Variants in ATP11A observed in about 807,000 individuals in gnomAD.
The protein encoded by ATP11A is ATPase phospholipid transporting 11A, also known as phospholipid-transporting ATPase IH.
Under a neutral mutation model 154.4 loss-of-function variants are expected in ATP11A, and 81 were observed. That is an observed-to-expected ratio of 0.52 (90% CI 0.44 to 0.63). The LOEUF (loss-of-function observed/expected upper bound fraction) is 0.63, where lower values mean the gene tolerates loss of function less well. ATP11A is among the 30% of genes least tolerant of loss of function. ATP11A has a pLI of 0.00. For synonymous variants in ATP11A, 623 were observed against 585.9 expected (o/e 1.06, Z -0.91); for missense variants, 1,316 against 1,474.3 (o/e 0.89, Z 1.76).
intron 1 of ATP11A, among the ~76,000 whole-genome samples, chr13:112,716,711 C>T (rs1331590776): frequency 6.6e-6 from 1 of 152,164 alleles, no homozygotes; most frequent in Non-Finnish European, 1.5e-5. Context: ...GCAGGTTCCT[C>T]CCCAGGTCTC....
chr13:112,881,106 A>C (rs1171265780), intron 29 of ATP11A: 13 of 987,458 alleles, frequency 1.3e-5, no homozygotes, highest in Non-Finnish European at 1.4e-5. Flanking sequence ...TCCAACAGAC[A>C]TGGAGGCCAT....
intron 26 of ATP11A, among the ~76,000 whole-genome samples, chr13:112,873,276 G>A (rs9549589): frequency 3.3e-4 from 38 of 113,806 alleles, no homozygotes; most frequent in African/African-American, 7.8e-4. Flanking sequence ...GTCTTCCTGA[G>A]CGGTGTGAGG....
chr13:112,773,132 A>G (rs568446637), intron 1 of ATP11A, among the ~76,000 whole-genome samples: 88 of 152,052 alleles, frequency 5.8e-4, no homozygotes, highest in African/African-American at 2.1e-3. Context: ...TGGCCCATCC[A>G]TCTCTCTCCC....
At chr13:112,728,593 C>T (rs111827961) in intron 1 of ATP11A, among the ~76,000 whole-genome samples, 3 of 143,646 alleles carry the variant, frequency 2.1e-5, no homozygotes, top group African/African-American at 7.8e-5. Flanking sequence ...ACTATCCACT[C>T]GTGGGGGGGC....
rs774905415 is a variant in ATP11A, at chr13:112,831,474, A to G, written c.1321A>G (p.Ile441Val). The G allele has an allele frequency of 1.2e-6, 2 of 1,614,200 alleles. No individual in the cohort carries two copies. Among genetic ancestry groups the G allele is most frequent in the Non-Finnish European group, 1.7e-6 (2 of 1,180,040 alleles). Residue 441 changes from isoleucine to valine, a missense_variant, in exon 13 of 30, where the codon ATC becomes GTC. By Grantham distance (29) the Ile-to-Val change is conservative. This residue lies in a region of ATP11A where 876 missense variants were observed against 1,006.8 expected (regional missense o/e 0.87). Coordinates refer to ENST00000375645, the MANE Select transcript of ATP11A (RefSeq NM_015205.3). ...IEGHVYVPHV[I>V]CNGQVLPESS... ...AGGCCATGTCTACGTGCCCCACGTC[A>G]TCTGCAACGGGCAGGTCCTCCCAGA...
chr13:112,875,822 C>A lies in ATP11A; in HGVS notation c.3208C>A (p.Leu1070Met), dbSNP rs749936142. 6.2e-7 allele frequency: 1 copy of A among 1,614,010 alleles called. No individual in the cohort carries two copies. Among genetic ancestry groups the A allele is most frequent in the South Asian group, 1.1e-5 (1 of 91,084 alleles). ...GATGTACTACGTGTTCATCCAGATG[C>A]TGTCCAGCGGGCCCGCCTGGCTGGC... ...QRMYYVFIQM[L>M]SSGPAWLAIV... The change falls in exon 28 of 30, where the codon CTG becomes ATG. Residue 1070 changes from leucine to methionine, a missense_variant. This residue lies in a region of ATP11A where 294 missense variants were observed against 290.2 expected (regional missense o/e 1.01). Coordinates refer to ENST00000375645, the MANE Select transcript of ATP11A (RefSeq NM_015205.3). This position sits in a 1 kb window ranked among gnomAD's most constrained non-coding sequence, Gnocchi z 4.1.
intron 16 of ATP11A, among the ~76,000 whole-genome samples, chr13:112,839,813 A>G (rs1298694605): frequency 1.3e-5 from 2 of 152,190 alleles, no homozygotes; most frequent in African/African-American, 4.8e-5. Context: ...TGCTCTTGGC[A>G]TGAGTTGTGA....
intron 29 of ATP11A, among the ~76,000 whole-genome samples, chr13:112,879,552 G>A (rs1307232154): frequency 1.3e-5 from 2 of 152,194 alleles, no homozygotes; most frequent in Admixed American, 6.5e-5. Context: ...ATTTGCTTCT[G>A]AGCATGTACG....
intron 1 of ATP11A, among the ~76,000 whole-genome samples, chr13:112,779,013 G>A (rs2077423868): frequency 7.1e-6 from 1 of 140,178 alleles, no homozygotes; most frequent in African/African-American, 2.7e-5. Flanking sequence ...GTAGCCACTG[G>A]AGTGAGTAGC....
At chr13:112,781,695 C>T (rs1483285126) in intron 1 of ATP11A, among the ~76,000 whole-genome samples, 2 of 145,314 alleles carry the variant, frequency 1.4e-5, no homozygotes, top group East Asian at 4.0e-4. Flanking sequence ...TTTAGTCTTC[C>T]TAGAATTTGA....
Position 112,816,083 on chromosome 13 carries a change from G to T in ATP11A, c.442G>T (p.Val148Phe). 6.2e-7 allele frequency: 1 copy of T among 1,614,194 alleles called. No homozygotes were observed. The highest frequency in any genetic ancestry group is 8.5e-7 in the Non-Finnish European group (1 of 1,180,032). ...CCATCCTTTCTGCTTTGTCCTGTAG[G>T]TTGGGGACATTGTCATGGTTAAGGA... ...LVRKQSRKLR[V>F]GDIVMVKEDE... The change falls in exon 6 of 30, where the codon GTT becomes TTT. Residue 148 changes from valine (V) to phenylalanine (F), a missense_variant and splice_region_variant. Coordinates refer to ENST00000375645, the MANE Select transcript of ATP11A (RefSeq NM_015205.3).
rs1159049446 is a variant in ATP11A, at chr13:112,826,740, A to ACTACATCATCC, written c.1073_1083dup (p.Val362ThrfsTer39). ...TTCCTGGCCTTCATGGTCCTCTTTA[A>ACTACATCATCC]CTACATCATCCCTGTGTCCATGTAC... On this transcript the variant is annotated frameshift_variant, in exon 12 of 30. Coordinates refer to ENST00000375645, the MANE Select transcript of ATP11A (RefSeq NM_015205.3). LOFTEE classifies it high-confidence loss of function. The ACTACATCATCC allele has an allele frequency of 1.9e-6, 3 of 1,614,064 alleles. No homozygotes were observed. Among genetic ancestry groups the ACTACATCATCC allele is most frequent in the Non-Finnish European group, 2.5e-6 (3 of 1,180,010 alleles).
chr13:112,772,078 A>C (rs1226245013), intron 1 of ATP11A, among the ~76,000 whole-genome samples: 1 of 152,136 alleles, frequency 6.6e-6, no homozygotes, highest in East Asian at 1.9e-4. Flanking sequence ...TTGTGTCCTT[A>C]CCTGGTTGGA....
intron 1 of ATP11A, among the ~76,000 whole-genome samples, chr13:112,715,521 CCA>C (rs1212693136): frequency 1.1e-4 from 4 of 37,310 alleles, no homozygotes; most frequent in African/African-American, 2.2e-4. Context: ...TGGCCGATCC[CCA>C]CCCTTCACTT....
intron 8 of ATP11A, among the ~76,000 whole-genome samples, chr13:112,820,170 G>A (rs570753696): frequency 4.9e-4 from 75 of 152,286 alleles, no homozygotes; most frequent in Non-Finnish European, 8.8e-4. Flanking sequence ...ACAAGTTTTC[G>A]CGCAAGACTC....
At chr13:112,815,712 C>T (rs1041199398) in intron 5 of ATP11A, among the ~76,000 whole-genome samples, 2 of 152,202 alleles carry the variant, frequency 1.3e-5, no homozygotes, top group Non-Finnish European at 2.9e-5. Flanking sequence ...TTCTGTTGAT[C>T]AGGAAGCTCT....
At chr13:112,742,545 G>A (rs574928127) in intron 1 of ATP11A, among the ~76,000 whole-genome samples, 15 of 152,322 alleles carry the variant, frequency 9.8e-5, no homozygotes, top group African/African-American at 3.4e-4. Flanking sequence ...TGAGAAAAGG[G>A]AAAACCTGAG....
At chr13:112,736,694 C>G (rs1235053242) in intron 1 of ATP11A, among the ~76,000 whole-genome samples, 1 of 152,136 alleles carries the variant, frequency 6.6e-6, no homozygotes. Flanking sequence ...AAATCTGTCC[C>G]CTAGTGGCAT....
chr13:112,826,965 G>C, intron 12 of ATP11A, 74 bp downstream of exon 12: 1 of 1,505,146 alleles, frequency 6.6e-7, no homozygotes, highest in African/African-American at 1.4e-5. Context: ...CTCAGGTCCT[G>C]TGCCTGTCAT....
Sources: allele counts gnomAD v4.1 joint callset (sites outside exome capture counted in the v4.1 genomes callset), GRCh38; gene constraint gnomAD v4.1.1; regional missense constraint gnomAD v4.1.1; non-coding constraint Gnocchi (gnomAD v3.1); transcripts MANE v1.5; gene names NCBI Gene and HGNC (gene_info 2026-07-23, HGNC 2026-07-21).